The following FADS1 variants were observed in gnomAD, a reference collection of about 807,000 sequenced individuals.
FADS1 encodes acyl-CoA (8-3)-desaturase.
A neutral mutation model predicts 61.6 loss-of-function variants in FADS1; 17 were observed. That is an observed-to-expected ratio of 0.28 (90% CI 0.19 to 0.41). The LOEUF is 0.41. FADS1 is among the 10% of genes least tolerant of loss of function. The pLI is 1.00. For missense variants in FADS1, 387 were observed against 650.9 expected, an observed-to-expected ratio of 0.59 and a Z score of 4.41; for synonymous variants, 238 against 258.7, an observed-to-expected ratio of 0.92 and a Z score of 0.77.
intron 3 of FADS1, among the ~76,000 whole-genome samples, chr11:61,811,326 C>G (rs1365411927): frequency 6.6e-6 from 1 of 151,684 alleles, no homozygotes; most frequent in African/African-American, 2.4e-5. Flanking sequence ...TTTTTTGAGA[C>G]AGTTTTGTTC....
chr11:61,804,802 G>A lies in FADS1; in HGVS notation c.977-41C>T. On this transcript the variant is annotated intron_variant, in intron 6 of 11. Transcript: ENST00000350997. ...AGACAAAGAGGAGGCATGAGCACAG[G>A]AAGGTCATGAAAGGGCCAGTTGATG... The A allele has an allele frequency of 1.9e-6, 3 of 1,561,104 alleles. 1 individual carries two copies. Among genetic ancestry groups the A allele is most frequent in the Non-Finnish European group, 8.8e-7 (1 of 1,132,112 alleles).
rs577692086 is a variant in FADS1, at chr11:61,815,989, G to C, written c.375+566C>G. The C allele has an allele frequency of 8.9e-6, 4 of 451,188 alleles. No individual in the cohort carries two copies. Among genetic ancestry groups the C allele is most frequent in the East Asian group, 8.3e-5 (2 of 23,972 alleles). The allele number at this position is 451,188 out of a possible 1,614,324, so 27.9% of individuals were successfully genotyped here. A position where few individuals can be genotyped will look rare whatever the true frequency, so the allele number is the denominator to read the frequency against. On this transcript the variant is annotated intron_variant, in intron 1 of 11. Coordinates refer to ENST00000350997, the MANE Select transcript of FADS1 (RefSeq NM_013402.7). This position sits in a 1 kb window ranked among gnomAD's most constrained non-coding sequence, Gnocchi z 6.4. ...CTTCCGCGTCCTCCAGTCTTCACAC[G>C]ACGCAGGGGTCCCCAAGGCAGCGGT...
rs1256728494 is a variant in FADS1 at position 61,803,944 on chromosome 11, A to G, written c.1054-177T>C. ...GCCACTGCTCCTTTCTTCCATTCCC[A>G]TTGGCACCCCCCAGCCCTTCTTGCA... On this transcript the variant is annotated intron_variant, in intron 7 of 11. Transcript: ENST00000350997. The surrounding 1 kb of genome is among the most constrained non-coding windows in gnomAD (Gnocchi z 4.3). 1.6e-6 allele frequency: 1 copy of G among 609,636 alleles called. No individual in the cohort carries two copies. Among genetic ancestry groups the G allele is most frequent in the Non-Finnish European group, 2.9e-6 (1 of 341,266 alleles). 37.8% of individuals were successfully genotyped at this position (609,636 alleles called of 1,614,324 possible). A position where few individuals can be genotyped will look rare whatever the true frequency, so the allele number is the denominator to read the frequency against.
At chr11:61,813,188 CT>C (rs2066943903) in intron 2 of FADS1, 54 bp downstream of exon 2, 2 of 1,063,990 alleles carry the variant, frequency 1.9e-6, no homozygotes, top group Non-Finnish European at 2.9e-6. Context: ...CTTCCACCCC[CT>C]CTCTGTCCCC....
At position 61,803,149 on chromosome 11, in the gene FADS1, A is replaced by G. The variant is rs768796029; in HGVS notation, c.1249-38T>C. The G allele has an allele frequency of 2.3e-5, 36 of 1,597,734 alleles. No homozygotes were observed. The Admixed American group carries it at 5.9e-4, about 26-fold the overall frequency. On this transcript the variant is annotated intron_variant, in intron 9 of 11. Transcript: ENST00000350997. This position sits in a 1 kb window ranked among gnomAD's most constrained non-coding sequence, Gnocchi z 4.3. ...GTCAGGGGAGAGCATGTTGAATATC[A>G]GATGGAAAGGCCAGCCCAGCATTCT...
In FADS1 at chr11:61,802,276, G is replaced by A; in HGVS notation, c.*135C>T. 1 of 764,986 alleles carries A rather than the reference G, an allele frequency of 1.3e-6. No homozygotes were observed. Among genetic ancestry groups the A allele is most frequent in the Non-Finnish European group, 2.2e-6 (1 of 449,536 alleles). 47.4% of individuals were successfully genotyped at this position (764,986 alleles called of 1,614,324 possible). Reference sequence around the variant, plus strand: ...GCTAGAAGATAAAAGGGAGGAGTTTGAGTCAGAGGCTTTATGTCCCCAAAC... The same window carrying A: ...GCTAGAAGATAAAAGGGAGGAGTTTAAGTCAGAGGCTTTATGTCCCCAAAC... On this transcript the variant is annotated 3_prime_UTR_variant, in exon 12 of 12. Transcript: ENST00000350997. The surrounding 1 kb of genome is among the most constrained non-coding windows in gnomAD (Gnocchi z 4.2).
intron 3 of FADS1, 75 bp downstream of exon 3, chr11:61,812,395 CT>C (rs1423249812): frequency 2.5e-5 from 36 of 1,421,098 alleles, no homozygotes; most frequent in Non-Finnish European, 3.4e-5. Context: ...CACTCTTGGC[CT>C]TCCTCAAACA....
In FADS1 at chr11:61,803,528, A is replaced by T; in HGVS notation, c.1152-69T>A. On this transcript the variant is annotated intron_variant, in intron 8 of 11. Transcript: ENST00000350997. The surrounding 1 kb of genome is among the most constrained non-coding windows in gnomAD (Gnocchi z 4.3). Reference sequence around the variant, plus strand: ...CAGAATTCTGATTCCCCCCTCAGATAACTGCTCCAGCCTGTCTACTTTCCC... The same window carrying T: ...CAGAATTCTGATTCCCCCCTCAGATTACTGCTCCAGCCTGTCTACTTTCCC... 7.0e-7 allele frequency: 1 copy of T among 1,427,972 alleles called. No homozygotes were observed. The highest frequency in any genetic ancestry group is 9.9e-7 in the Non-Finnish European group (1 of 1,010,434). 88.5% of individuals were successfully genotyped at this position (1,427,972 alleles called of 1,614,324 possible). A position where few individuals can be genotyped will look rare whatever the true frequency, so the allele number is the denominator to read the frequency against.
In FADS1 at chr11:61,803,805, C is replaced by G. The variant is rs771561309; in HGVS notation, c.1054-38G>C. 1.4e-6 allele frequency: 2 copies of G among 1,453,128 alleles called. No homozygotes were observed. The highest frequency in any genetic ancestry group is 1.1e-5 in the South Asian group (1 of 87,786). 90.0% of individuals were successfully genotyped at this position (1,453,128 alleles called of 1,614,324 possible). ...AAGCAGCGAGCATAACAGTCACGAA[C>G]AACTCTTCCTCTTCCTCTCAGCAGC... On this transcript the variant is annotated intron_variant, in intron 7 of 11. Coordinates refer to ENST00000350997, the MANE Select transcript of FADS1 (RefSeq NM_013402.7). This position sits in a 1 kb window ranked among gnomAD's most constrained non-coding sequence, Gnocchi z 4.3.
rs2066990575 is a variant in FADS1 at position 61,816,884 on chromosome 11, C to T, written c.46G>A (p.Glu16Lys). 2.0e-6 allele frequency: 3 copies of T among 1,475,926 alleles called. No individual in the cohort carries two copies. The highest frequency in any genetic ancestry group is 1.5e-5 in the African/African-American group (1 of 67,594). 91.4% of individuals were successfully genotyped at this position (1,475,926 alleles called of 1,614,324 possible). The stretch of plus-strand genomic sequence containing the variant: ...GCCAGCCGCCTGCGCGCCGGGTTTT[C>T]AGCACCGCAGGGCAGACCGGCGGGC... Reference protein sequence around the residue: ...ARPAGLPCGAENPARRRLALG... With the variant: ...ARPAGLPCGAKNPARRRLALG... The change falls in exon 1 of 12, where the codon GAA (glutamate) becomes AAA (lysine). Residue 16 changes from glutamate to lysine, a missense_variant. Glu to Lys is a moderately conservative substitution (Grantham distance 56, BLOSUM62 1). Around this residue, in one of 2 missense-constraint regions of FADS1, gnomAD observed 130 missense variants for 117.7 expected, o/e 1.10. Coordinates refer to ENST00000350997, the MANE Select transcript of FADS1 (RefSeq NM_013402.7). The surrounding 1 kb of genome is among the most constrained non-coding windows in gnomAD (Gnocchi z 7.0).
chr11:61,813,466 T>G (rs1427929708), intron 1 of FADS1, 113 bp from the exon 2 acceptor site: 3 of 683,312 alleles, frequency 4.4e-6, no homozygotes, highest in East Asian at 2.6e-5. Context: ...CAAGTTGAAG[T>G]GAGAGGTGAA....
At chr11:61,805,575 C>T (rs1166999472) in intron 6 of FADS1, 1 of 152,220 alleles carries the variant, frequency 6.6e-6, no homozygotes, top group African/African-American at 2.4e-5. Flanking sequence ...TCTGCTCTAC[C>T]CTTCTGCCCC....
intron 6 of FADS1, 96 bp from the exon 7 acceptor site, chr11:61,804,857 G>A: frequency 1.9e-6 from 2 of 1,037,350 alleles, no homozygotes; most frequent in Non-Finnish European, 1.5e-6. Context: ...GCAGGGGGCT[G>A]CCTCTTCCAA....
chr11:61,801,510 AAGAGCTAG>A lies in FADS1; in HGVS notation c.*893_*900del, dbSNP rs771521614. Reference sequence around the variant, plus strand: ...AACTCTCTCTACCATCTGTTTTGGTAAGAGCTAGCACCTCTTGTTCTCTTTAGACCCTG... The same window carrying A: ...AACTCTCTCTACCATCTGTTTTGGTACACCTCTTGTTCTCTTTAGACCCTG... On this transcript the variant is annotated 3_prime_UTR_variant, in exon 12 of 12. Coordinates refer to ENST00000350997, the MANE Select transcript of FADS1 (RefSeq NM_013402.7). 3 of 152,362 alleles carry A rather than the reference AAGAGCTAG, an allele frequency of 2.0e-5. No homozygotes were observed. The highest frequency in any genetic ancestry group is 2.9e-5 in the Non-Finnish European group (2 of 68,028). The allele number at this position is 152,362 out of a possible 1,614,324, so 9.4% of individuals were successfully genotyped here.
In FADS1 at chr11:61,801,127, C is replaced by T. The variant is rs1435923213; in HGVS notation, c.*1284G>A. 1 of 152,298 alleles carries T rather than the reference C, an allele frequency of 6.6e-6. No homozygotes were observed. The highest frequency in any genetic ancestry group is 1.5e-5 in the Non-Finnish European group (1 of 68,038). The allele number at this position is 152,298 out of a possible 1,614,324, so 9.4% of individuals were successfully genotyped here. On this transcript the variant is annotated 3_prime_UTR_variant, in exon 12 of 12. Transcript: ENST00000350997. ...AGTGATCATATTTAATCTTTCTGCTCCTGCTCAAAAATAATTCTATAACAT... is the reference window on the plus strand; with the variant it reads ...AGTGATCATATTTAATCTTTCTGCTTCTGCTCAAAAATAATTCTATAACAT...
Position 61,803,842 on chromosome 11 carries a change from A to G in FADS1, c.1054-75T>C. The G allele has an allele frequency of 2.7e-6, 3 of 1,123,246 alleles. No homozygotes were observed. The highest frequency in any genetic ancestry group is 1.3e-5 in the South Asian group (1 of 79,118). The allele number at this position is 1,123,246 out of a possible 1,614,324, so 69.6% of individuals were successfully genotyped here. ...TTCCTCTCAGCAGCTCTTTGTTTGC[A>G]TGGTGCAGCCATTCTCCTGGTTATC... is the stretch of plus-strand genomic sequence containing the variant. On this transcript the variant is annotated intron_variant, in intron 7 of 11. Coordinates refer to ENST00000350997, the MANE Select transcript of FADS1 (RefSeq NM_013402.7). The surrounding 1 kb of genome is among the most constrained non-coding windows in gnomAD (Gnocchi z 4.3).
intron 5 of FADS1, among the ~76,000 whole-genome samples, chr11:61,808,554 T>C (rs575523977): frequency 6.6e-6 from 1 of 152,216 alleles, no homozygotes; most frequent in South Asian, 2.1e-4. Context: ...CTGCCCTAAA[T>C]AGAACCCTTC....
Position 61,803,801 on chromosome 11 carries a change from C to T in FADS1, c.1054-34G>A, listed in dbSNP as rs113956554. On this transcript the variant is annotated intron_variant, in intron 7 of 11. Coordinates refer to ENST00000350997, the MANE Select transcript of FADS1 (RefSeq NM_013402.7). The surrounding 1 kb of genome is among the most constrained non-coding windows in gnomAD (Gnocchi z 4.3). ...AGAAAAGCAGCGAGCATAACAGTCA[C>T]GAACAACTCTTCCTCTTCCTCTCAG... 5.4e-5 allele frequency: 80 copies of T among 1,482,000 alleles called. No individual in the cohort carries two copies. The highest frequency in any genetic ancestry group is 7.0e-5 in the Non-Finnish European group (74 of 1,059,980). 91.8% of individuals were successfully genotyped at this position (1,482,000 alleles called of 1,614,324 possible).
chr11:61,816,903 G>A lies in FADS1; in HGVS notation c.27C>T (p.Ala9=), dbSNP rs1160136780. The A allele has an allele frequency of 2.1e-6, 3 of 1,414,788 alleles. No homozygotes were observed. Among genetic ancestry groups the A allele is most frequent in the East Asian group, 3.0e-5 (1 of 33,582 alleles). The allele number at this position is 1,414,788 out of a possible 1,614,324, so 87.6% of individuals were successfully genotyped here. The part of the protein sequence containing the change: MGTRAARP[A]GLPCGAENPA... Reference sequence around the variant, plus strand: ...GGTTTTCAGCACCGCAGGGCAGACCGGCGGGCCTCGCAGCGCGCGTTCCCA... The same window carrying A: ...GGTTTTCAGCACCGCAGGGCAGACCAGCGGGCCTCGCAGCGCGCGTTCCCA... The change falls in exon 1 of 12, where the codon GCC becomes GCT. Residue 9 remains alanine (A), a synonymous_variant. Transcript: ENST00000350997. This position sits in a 1 kb window ranked among gnomAD's most constrained non-coding sequence, Gnocchi z 7.0.
Sources: gnomAD v4.1 joint callset for allele counts (sites outside exome capture counted in the v4.1 genomes callset) on GRCh38, gnomAD v4.1.1 for gene constraint, gnomAD v4.1.1 regional missense constraint, Gnocchi (gnomAD v3.1) non-coding constraint, MANE v1.5 for transcripts, NCBI Gene and HGNC (gene_info 2026-07-23, HGNC 2026-07-21) for gene names.